Variants in INPP4A observed in about 807,000 individuals in gnomAD.
INPP4A encodes inositol polyphosphate-4-phosphatase, type I, 107kD.
A neutral mutation model predicts 119.8 loss-of-function variants in INPP4A; 33 were observed. The observed-to-expected ratio is 0.28, with a 90% CI of 0.21 to 0.37. The LOEUF (loss-of-function observed/expected upper bound fraction) is 0.37. INPP4A is among the 10% of genes least tolerant of loss of function. The probability of loss-of-function intolerance (pLI) is 1.00; values close to 1 mark genes in which losing one functional copy is unlikely to be tolerated. For missense variants in INPP4A, 956 were observed against 1,289.9 expected (o/e 0.74, Z 3.97); for synonymous variants, 496 against 500.7 (o/e 0.99, Z 0.12).
chr2:98,545,941 C>CT (rs1559048035), intron 11 of INPP4A, 28 bp from the exon 12 acceptor site: 1 of 1,508,566 alleles, frequency 6.6e-7, no homozygotes, highest in Non-Finnish European at 9.0e-7. Context: ...TGCTGATGGC[C>CT]TTTATCTTCT....
Position 98,581,387 on chromosome 2 carries a change from A to G in INPP4A, c.2786+4244A>G, listed in dbSNP as rs118143678. Among the ~76,000 whole-genome samples, 104 of 149,734 alleles carry G rather than the reference A, an allele frequency of 6.9e-4. 2 individuals are homozygous for G. In the East Asian group the frequency reaches 0.011, roughly 15 times the overall value. ...GGTTTTGTTTTGGTCTTCCTCTCATACCCGTTTCTGCATTTCATCTTTTCT... is the reference window on the plus strand; with the variant it reads ...GGTTTTGTTTTGGTCTTCCTCTCATGCCCGTTTCTGCATTTCATCTTTTCT... On this transcript the variant is annotated intron_variant, in intron 24 of 24. Transcript: ENST00000409851.
rs535766352 is a variant in INPP4A at position 98,554,065 on chromosome 2, G to A, written c.1348-206G>A. 4.3e-4 allele frequency among the ~76,000 whole-genome samples: 66 copies of A among 152,346 alleles called. 3 individuals carry two copies. The South Asian group carries it at 0.012, about 27-fold the overall frequency. ...TTCTCTTCCTTGGTGGGAAATTCTT[G>A]TTAAGATTCAGCCCAAGTGGGCCAC... is the stretch of plus-strand genomic sequence containing the variant. On this transcript the variant is annotated intron_variant, in intron 14 of 24. Coordinates refer to ENST00000409851, the MANE Select transcript of INPP4A (RefSeq NM_001134225.2). The surrounding 1 kb of genome is among the most constrained non-coding windows in gnomAD (Gnocchi z 4.7).
chr2:98,460,624 C>T (rs924981872), intron 1 of INPP4A, among the ~76,000 whole-genome samples: 1 of 152,216 alleles, frequency 6.6e-6, no homozygotes, highest in South Asian at 2.1e-4. Context: ...TGCCTGTGCT[C>T]TAACCACCAG....
rs781542509 is a variant in INPP4A, at chr2:98,566,056, G to A, written c.2307G>A (p.Leu769=). 2 of 1,605,276 alleles carry A rather than the reference G, an allele frequency of 1.2e-6. No individual in the cohort carries two copies. The highest frequency in any genetic ancestry group is 4.5e-5 in the East Asian group (2 of 44,204). Residue 769 remains leucine, a synonymous_variant, in exon 21 of 25, where the codon CTG becomes CTA. Transcript: ENST00000409851. This position sits in a 1 kb window ranked among gnomAD's most constrained non-coding sequence, Gnocchi z 4.2. ...ACGGGTTTAACGTGCGGGTCCCTCT[G>A]CCGGGCCCGCTGTTTGACGCCTTGC... The part of the protein sequence containing the change: ...NRDGFNVRVP[L]PGPLFDALPR...
At chr2:98,476,145 A>G (rs1322971695) in intron 1 of INPP4A, among the ~76,000 whole-genome samples, 1 of 152,252 alleles carries the variant, frequency 6.6e-6, no homozygotes, top group South Asian at 2.1e-4. Flanking sequence ...GAATGGGTAC[A>G]TAGGATAATG....
intron 1 of INPP4A, among the ~76,000 whole-genome samples, chr2:98,448,233 G>A (rs550961783): frequency 1.5e-3 from 220 of 150,948 alleles, no homozygotes; most frequent in South Asian, 3.4e-3. Flanking sequence ...GCGTGTGCTC[G>A]TAGTCCGAGC....
chr2:98,452,685 A>C (rs1040718870), intron 1 of INPP4A, among the ~76,000 whole-genome samples: 3 of 151,904 alleles, frequency 2.0e-5, no homozygotes, highest in Admixed American at 6.6e-5. Flanking sequence ...TAAGTTTCTC[A>C]GCCCCCTTGC....
intron 17 of INPP4A, among the ~76,000 whole-genome samples, chr2:98,562,762 G>T (rs1695720474): frequency 6.8e-6 from 1 of 147,220 alleles, no homozygotes; most frequent in African/African-American, 2.5e-5. Flanking sequence ...CTCCCTTGAG[G>T]TTCTATTTTT....
intron 15 of INPP4A, among the ~76,000 whole-genome samples, 198 bp from the exon 16 acceptor site, chr2:98,555,355 A>G (rs1257379278): frequency 6.6e-6 from 1 of 152,242 alleles, no homozygotes; most frequent in African/African-American, 2.4e-5. Flanking sequence ...CAATGGCCGC[A>G]GGACATCGAT....
chr2:98,455,335 C>G (rs1171807492), intron 1 of INPP4A, among the ~76,000 whole-genome samples: 1 of 151,392 alleles, frequency 6.6e-6, no homozygotes, highest in Non-Finnish European at 1.5e-5. Flanking sequence ...GAGACCCTGT[C>G]TCTACAAAAA....
At chr2:98,568,911 G>A (rs1195497242) in intron 22 of INPP4A, 15 of 444,756 alleles carry the variant, frequency 3.4e-5, no homozygotes, top group Non-Finnish European at 5.3e-5. Flanking sequence ...TTCCCATGCT[G>A]TCGTAGTCAC....
chr2:98,518,161 T>C (rs1686510114), intron 1 of INPP4A, among the ~76,000 whole-genome samples: 1 of 152,256 alleles, frequency 6.6e-6, no homozygotes, highest in Non-Finnish European at 1.5e-5. Context: ...CTTTCCTGTT[T>C]TACCAGTCAC....
chr2:98,573,189 C>T (rs1697790441), intron 23 of INPP4A, among the ~76,000 whole-genome samples: 1 of 152,180 alleles, frequency 6.6e-6, no homozygotes, highest in South Asian at 2.1e-4. Context: ...ACAGTTGTCA[C>T]CCTCAGAAGC....
intron 1 of INPP4A, among the ~76,000 whole-genome samples, chr2:98,505,765 C>T (rs1683924772): frequency 6.6e-6 from 1 of 152,180 alleles, no homozygotes; most frequent in Non-Finnish European, 1.5e-5. Flanking sequence ...ATTTCCCCTT[C>T]CACTTTCCTG....
At chr2:98,581,107 T>C (rs1347557672) in intron 24 of INPP4A, among the ~76,000 whole-genome samples, 1 of 152,222 alleles carries the variant, frequency 6.6e-6, no homozygotes, top group African/African-American at 2.4e-5. Context: ...CCAAATCCTT[T>C]GTACCACCCC....
chr2:98,555,535 G>A lies in INPP4A; in HGVS notation c.1567-18G>A, dbSNP rs115140624. The stretch of plus-strand genomic sequence containing the variant: ...TGTTCGGGAGAGCTGACCCACATGG[G>A]CCCCTTTGATTTGGAAGGAGAAAGT... On this transcript the variant is annotated intron_variant, in intron 15 of 24. Transcript: ENST00000409851. 1.8e-3 allele frequency: 2,779 copies of A among 1,581,998 alleles called. 33 individuals carry two copies. The African/African-American group carries it at 0.033, about 19-fold the overall frequency.
intron 23 of INPP4A, among the ~76,000 whole-genome samples, chr2:98,575,867 C>G (rs1698333541): frequency 6.6e-6 from 1 of 152,202 alleles, no homozygotes; most frequent in Admixed American, 6.5e-5. Flanking sequence ...TGATACGGTG[C>G]ATAGTCCTTT....
rs992408444 is a variant in INPP4A, at chr2:98,588,252, C to A, written c.*644C>A. 1 of 208,758 alleles carries A rather than the reference C, an allele frequency of 4.8e-6. No individual in the cohort carries two copies. Among genetic ancestry groups the A allele is most frequent in the Non-Finnish European group, 9.7e-6 (1 of 102,668 alleles). 12.9% of individuals were successfully genotyped at this position (208,758 alleles called of 1,614,324 possible). On this transcript the variant is annotated 3_prime_UTR_variant, in exon 25 of 25. Transcript: ENST00000409851. Reference sequence around the variant, plus strand: ...TGCAAGGTACCCCACATAGTTGGGGCCACTCTTTTTTCTGTCCCTTATGAG... The same window carrying A: ...TGCAAGGTACCCCACATAGTTGGGGACACTCTTTTTTCTGTCCCTTATGAG...
At position 98,539,457 on chromosome 2, in the gene INPP4A, G is replaced by A. The variant is rs2105992281; in HGVS notation, c.671-71G>A. 5.3e-6 allele frequency: 8 copies of A among 1,516,682 alleles called. No homozygotes were observed. In the South Asian group the frequency reaches 7.4e-5, roughly 14 times the overall value. The allele number at this position is 1,516,682 out of a possible 1,614,324, so 94.0% of individuals were successfully genotyped here. On this transcript the variant is annotated intron_variant, in intron 9 of 24. Transcript: ENST00000409851. ...GGTGTCACCATCCCTGAGGGCCGGG[G>A]GAGGAGAACCCATGAGGCAGGTCTG...
Sources: gnomAD v4.1 joint callset for allele counts (sites outside exome capture counted in the v4.1 genomes callset) on GRCh38, gnomAD v4.1.1 for gene constraint, Gnocchi (gnomAD v3.1) non-coding constraint, MANE v1.5 for transcripts, NCBI Gene and HGNC (gene_info 2026-07-23, HGNC 2026-07-21) for gene names.